KCNJ15: variants seen among roughly 807,000 people sequenced by gnomAD.
KCNJ15 encodes potassium inwardly rectifying channel subfamily J member 15.
A neutral mutation model predicts 23.0 loss-of-function variants in KCNJ15; 14 were observed. The ratio of observed to expected loss-of-function variants is 0.61; its 90% CI spans 0.40 to 0.95. The LOEUF (loss-of-function observed/expected upper bound fraction) is 0.95. KCNJ15 is among the 40% of genes least tolerant of loss of function. The pLI is 0.00. For synonymous variants in KCNJ15, 185 were observed against 183.2 expected (o/e 1.01, Z -0.08); for missense variants, 388 against 461.8 (o/e 0.84, Z 1.46).
intron 1 of KCNJ15, among the ~76,000 whole-genome samples, chr21:38,295,646 T>C (rs560673537): frequency 2.6e-4 from 39 of 152,218 alleles, no homozygotes; most frequent in Non-Finnish European, 5.1e-4. Flanking sequence ...ACTGTTATTG[T>C]TGCTTACCAT....
intron 1 of KCNJ15, among the ~76,000 whole-genome samples, chr21:38,285,154 C>T (rs4817936): frequency 1.3e-5 from 2 of 152,184 alleles, no homozygotes; most frequent in Non-Finnish European, 2.9e-5. Flanking sequence ...TGCCCACTTA[C>T]GAGAATGAAG....
chr21:38,299,582 C>T lies in KCNJ15; in HGVS notation c.321C>T (p.Cys107=), dbSNP rs1265974688. The T allele has an allele frequency of 1.9e-6, 3 of 1,614,046 alleles. No individual in the cohort carries two copies. The highest frequency in any genetic ancestry group is 2.5e-6 in the Non-Finnish European group (3 of 1,180,010). The change falls in exon 3 of 3, where the codon TGC becomes TGT. Residue 107 remains cysteine (C), a synonymous_variant. Coordinates refer to ENST00000398938, the MANE Select transcript of KCNJ15 (RefSeq NM_170736.3). This position sits in a 1 kb window ranked among gnomAD's most constrained non-coding sequence, Gnocchi z 4.5. ...PGEPISNHTP[C]IMKVDSLTGA... ...AGCCCATTTCAAATCATACCCCCTG[C>T]ATCATGAAAGTGGACTCTCTCACTG... is the stretch of plus-strand genomic sequence containing the variant.
chr21:38,231,900 A>G (rs920561583), intron 1 of KCNJ15, among the ~76,000 whole-genome samples: 2 of 151,784 alleles, frequency 1.3e-5, no homozygotes, highest in South Asian at 2.1e-4. Flanking sequence ...TTGTGTTTAT[A>G]TTCGTAATAG....
rs934314789 is a variant in KCNJ15 at position 38,304,160 on chromosome 21, T to TGC, written c.*3771_*3772insGC. 1.3e-5 allele frequency: 2 copies of TGC among 151,874 alleles called. No homozygotes were observed. Among genetic ancestry groups the TGC allele is most frequent in the Non-Finnish European group, 2.9e-5 (2 of 67,952 alleles). The allele number at this position is 151,874 out of a possible 1,614,324, so 9.4% of individuals were successfully genotyped here. A position where few individuals can be genotyped will look rare whatever the true frequency, so the allele number is the denominator to read the frequency against. On this transcript the variant is annotated 3_prime_UTR_variant, in exon 3 of 3. Coordinates refer to ENST00000398938, the MANE Select transcript of KCNJ15 (RefSeq NM_170736.3). ...ACATGTGCACAACGTGCAGGTTTGT[T>TGC]ACATATGTATACATGTGCCATGTTG... is the stretch of plus-strand genomic sequence containing the variant.
intron 1 of KCNJ15, chr21:38,238,794 AAT>A (rs1326189569): frequency 3.2e-6 from 1 of 316,458 alleles, no homozygotes; most frequent in Admixed American, 4.0e-5. Context: ...AGTGCTTTCC[AAT>A]ATGTTATTGT....
intron 1 of KCNJ15, among the ~76,000 whole-genome samples, chr21:38,230,959 C>T (rs1988720168): frequency 6.6e-6 from 1 of 151,966 alleles, no homozygotes; most frequent in Non-Finnish European, 1.5e-5. Context: ...ACAAAATAGC[C>T]ATTTGGAATT....
At position 38,299,958 on chromosome 21, in the gene KCNJ15, G is replaced by A. The variant is rs1272783542; in HGVS notation, c.697G>A (p.Ala233Thr). ...KEGERILLNQ[A>T]TVKFHVDSSS... ...GGGGGAGCGGATTCTCCTCAACCAAGCCACTGTCAAATTCCACGTGGACTC... is the reference window on the plus strand; with the variant it reads ...GGGGGAGCGGATTCTCCTCAACCAAACCACTGTCAAATTCCACGTGGACTC... The change falls in exon 3 of 3, where the codon GCC becomes ACC. Residue 233 changes from alanine to threonine, a missense_variant. Ala to Thr is a moderately conservative substitution (Grantham distance 58). Transcript: ENST00000398938. The surrounding 1 kb of genome is among the most constrained non-coding windows in gnomAD (Gnocchi z 4.5). 6.2e-7 allele frequency: 1 copy of A among 1,614,000 alleles called. No individual in the cohort carries two copies. The highest frequency in any genetic ancestry group is 1.1e-5 in the South Asian group (1 of 91,084).
At chr21:38,252,859 G>C (rs1482773283), upstream of KCNJ15, among the ~76,000 whole-genome samples, 1 of 152,172 alleles carries the variant, frequency 6.6e-6, no homozygotes, top group Non-Finnish European at 1.5e-5. Context: ...GCTTCTGAGA[G>C]CCCATTCCTG....
chr21:38,249,159 G>T (rs887206829), intron 1 of KCNJ15, among the ~76,000 whole-genome samples: 1 of 152,166 alleles, frequency 6.6e-6, no homozygotes, highest in Non-Finnish European at 1.5e-5. Context: ...CAATTTTGCT[G>T]TTGGTGTCCA....
At chr21:38,292,455 G>A (rs1288227798) in intron 1 of KCNJ15, among the ~76,000 whole-genome samples, 1 of 152,128 alleles carries the variant, frequency 6.6e-6, no homozygotes, top group African/African-American at 2.4e-5. Flanking sequence ...ATATTAGAAT[G>A]ATAGGATATG....
At chr21:38,276,945 A>G (rs1982765855) in intron 1 of KCNJ15, among the ~76,000 whole-genome samples, 3 of 152,088 alleles carry the variant, frequency 2.0e-5, no homozygotes, top group South Asian at 4.1e-4. Context: ...TCTAAAAATG[A>G]CCACTTAATT....
intron 1 of KCNJ15, among the ~76,000 whole-genome samples, chr21:38,264,067 C>T (rs1981208797): frequency 1.3e-5 from 2 of 152,154 alleles, no homozygotes; most frequent in African/African-American, 4.8e-5. Flanking sequence ...CTTTTGAGCT[C>T]AACATTAAAT....
intron 1 of KCNJ15, among the ~76,000 whole-genome samples, chr21:38,241,965 T>TC (rs1979030664): frequency 8.4e-6 from 1 of 118,576 alleles, no homozygotes; most frequent in Non-Finnish European, 1.6e-5. Flanking sequence ...CAAGACTCCA[T>TC]CTAAAAAAAA....
At chr21:38,287,438 T>A (rs1473241312) in intron 1 of KCNJ15, among the ~76,000 whole-genome samples, 1 of 152,248 alleles carries the variant, frequency 6.6e-6, no homozygotes, top group Non-Finnish European at 1.5e-5. Context: ...TTTAGCAGAT[T>A]TAGCAAATAC....
chr21:38,258,862 G>C (rs1980568916), intron 1 of KCNJ15, among the ~76,000 whole-genome samples: 1 of 152,128 alleles, frequency 6.6e-6, no homozygotes, highest in Non-Finnish European at 1.5e-5. Flanking sequence ...GGGGGAAAGA[G>C]AGCGAGACCC....
At chr21:38,268,432 T>C (rs1981691629) in intron 1 of KCNJ15, among the ~76,000 whole-genome samples, 1 of 52,276 alleles carries the variant, frequency 1.9e-5, no homozygotes, top group Non-Finnish European at 3.8e-5. Context: ...TAGGTGGATT[T>C]TTTAAAAAAA....
intron 1 of KCNJ15, among the ~76,000 whole-genome samples, chr21:38,266,091 G>A (rs1200759287): frequency 6.6e-6 from 1 of 152,184 alleles, no homozygotes; most frequent in Non-Finnish European, 1.5e-5. Flanking sequence ...CAACAGTGCT[G>A]AGCACTCCTG....
intron 1 of KCNJ15, among the ~76,000 whole-genome samples, chr21:38,258,827 A>G (rs896756173): frequency 6.6e-6 from 1 of 152,050 alleles, no homozygotes; most frequent in Non-Finnish European, 1.5e-5. Flanking sequence ...CACACTTCTC[A>G]CCAGTGCAGA....
chr21:38,246,326 C>T (rs144738213), intron 1 of KCNJ15, among the ~76,000 whole-genome samples: 19 of 152,210 alleles, frequency 1.2e-4, no homozygotes, highest in African/African-American at 1.7e-4. Context: ...GAGTTTTTTG[C>T]GTGTTGCCAA....
Sources: gnomAD v4.1 joint callset for allele counts (sites outside exome capture counted in the v4.1 genomes callset) on GRCh38, gnomAD v4.1.1 for gene constraint, Gnocchi (gnomAD v3.1) non-coding constraint, MANE v1.5 for transcripts, NCBI Gene and HGNC (gene_info 2026-07-23, HGNC 2026-07-21) for gene names.